Variants in SYK observed in about 807,000 individuals in gnomAD.
SYK encodes spleen associated tyrosine kinase, also known as tyrosine-protein kinase SYK.
In SYK, 16 loss-of-function variants were observed where a neutral mutation model predicts 77.8. The ratio of observed to expected loss-of-function variants is 0.21; its 90% confidence interval spans 0.14 to 0.31. The LOEUF (loss-of-function observed/expected upper bound fraction) is 0.31. Ranked by LOEUF, SYK falls within the 10% of genes least tolerant of loss-of-function variation. SYK has a pLI of 1.00. For missense variants in SYK, 529 were observed against 814.4 expected (o/e 0.65, Z 4.26); for synonymous variants, 312 against 308.7 (o/e 1.01, Z -0.11).
intron 9 of SYK, among the ~76,000 whole-genome samples, chr9:90,876,516 G>A (rs1827940806): frequency 6.6e-6 from 1 of 152,126 alleles, no homozygotes; most frequent in Non-Finnish European, 1.5e-5. Context: ...ATATATGTTT[G>A]TATATCACAG....
In SYK at chr9:90,864,582, C is replaced by T; in HGVS notation, c.718-7C>T. 1.2e-6 allele frequency: 2 copies of T among 1,613,034 alleles called. No individual in the cohort carries two copies. Among genetic ancestry groups the T allele is most frequent in the Non-Finnish European group, 1.7e-6 (2 of 1,179,378 alleles). On this transcript the variant is annotated splice_polypyrimidine_tract_variant and splice_region_variant and intron_variant, in intron 4 of 13. Transcript: ENST00000375754. Reference sequence around the variant, plus strand: ...ATTTACCACTTTCTTACTTTTTTCTCTTTCAGCTAGTCGAGCATTATTCTT... The same window carrying T: ...ATTTACCACTTTCTTACTTTTTTCTTTTTCAGCTAGTCGAGCATTATTCTT...
chr9:90,876,302 A>AG (rs1398260397), intron 9 of SYK, among the ~76,000 whole-genome samples: 57 of 114,900 alleles, frequency 5.0e-4, no homozygotes, highest in African/African-American at 1.6e-3. Context: ...AAAAAAAAAA[A>AG]AAAAGAAAGA....
intron 6 of SYK, among the ~76,000 whole-genome samples, chr9:90,865,637 G>A (rs1056488048): frequency 1.3e-5 from 2 of 152,044 alleles, no homozygotes; most frequent in African/African-American, 2.4e-5. Context: ...TTCTTGTCTA[G>A]ATGAAATTCT....
At chr9:90,841,205 C>T (rs912227579) in intron 1 of SYK, among the ~76,000 whole-genome samples, 4 of 144,750 alleles carry the variant, frequency 2.8e-5, no homozygotes, top group African/African-American at 1.0e-4. Context: ...ATGTGTGTTG[C>T]ATGTAGTGTG....
chr9:90,812,546 A>C (rs1825120002), intron 1 of SYK, among the ~76,000 whole-genome samples: 1 of 152,198 alleles, frequency 6.6e-6, no homozygotes, highest in African/African-American at 2.4e-5. Flanking sequence ...CACCCCACCC[A>C]GTGCAGGAGC....
intron 3 of SYK, among the ~76,000 whole-genome samples, chr9:90,855,778 T>C (rs10993723): frequency 0.16 from 23,897 of 151,718 alleles, 2,686 homozygotes; most frequent in African/African-American, 0.28. Context: ...ATGTCTGCGT[T>C]CCATCCCCTG....
At chr9:90,870,998 T>G (rs1009010801) in intron 7 of SYK, among the ~76,000 whole-genome samples, 1 of 152,244 alleles carries the variant, frequency 6.6e-6, no homozygotes, top group Non-Finnish European at 1.5e-5. Flanking sequence ...TTTTTCCTCT[T>G]TTGTTCACTT....
At chr9:90,859,764 T>TAC (rs1398702420) in intron 3 of SYK, among the ~76,000 whole-genome samples, 20 of 152,342 alleles carry the variant, frequency 1.3e-4, no homozygotes, top group African/African-American at 4.3e-4. Context: ...TAGAATGATC[T>TAC]TTCTAACTTC....
chr9:90,859,833 A>C (rs1225666265), intron 3 of SYK, among the ~76,000 whole-genome samples: 1 of 152,182 alleles, frequency 6.6e-6, no homozygotes, highest in African/African-American at 2.4e-5. Context: ...TGTTTGCCAG[A>C]TGCCTAATGA....
chr9:90,872,837 G>A (rs541820851), intron 7 of SYK, among the ~76,000 whole-genome samples: 18 of 152,314 alleles, frequency 1.2e-4, no homozygotes, highest in South Asian at 6.2e-4. Flanking sequence ...GCACAGTTCC[G>A]AGTGCAGTGA....
At chr9:90,805,428 G>C (rs543772919) in intron 1 of SYK, among the ~76,000 whole-genome samples, 2 of 152,304 alleles carry the variant, frequency 1.3e-5, no homozygotes, top group African/African-American at 2.4e-5. Flanking sequence ...TGAAAACCTT[G>C]CAGGCAAGCT....
At chr9:90,843,172 G>C (rs1161460676) in intron 1 of SYK, among the ~76,000 whole-genome samples, 3 of 152,078 alleles carry the variant, frequency 2.0e-5, no homozygotes, top group African/African-American at 7.2e-5. Flanking sequence ...CCCAGGCCTC[G>C]GGAGCCAGGG....
At chr9:90,857,569 A>T (rs897681306) in intron 3 of SYK, among the ~76,000 whole-genome samples, 5 of 152,252 alleles carry the variant, frequency 3.3e-5, no homozygotes, top group Non-Finnish European at 7.3e-5. Context: ...TGGAATGCAC[A>T]TGTGCCTCAG....
intron 3 of SYK, among the ~76,000 whole-genome samples, chr9:90,849,374 G>T (rs1292383194): frequency 6.6e-6 from 1 of 152,134 alleles, no homozygotes; most frequent in Non-Finnish European, 1.5e-5. Flanking sequence ...CAGGCCTGTG[G>T]GCTGGCCCTT....
chr9:90,849,527 C>T (rs1186924437), intron 3 of SYK, among the ~76,000 whole-genome samples: 3 of 152,216 alleles, frequency 2.0e-5, no homozygotes, highest in Non-Finnish European at 2.9e-5. Flanking sequence ...CCACACCTGT[C>T]TATGTTGGGG....
At chr9:90,819,661 CAT>C (rs774517763) in intron 1 of SYK, among the ~76,000 whole-genome samples, 1 of 152,120 alleles carries the variant, frequency 6.6e-6, no homozygotes, top group Non-Finnish European at 1.5e-5. Context: ...CCTCCCATAA[CAT>C]GTGGGAATTC....
chr9:90,808,736 T>C (rs1824948311), intron 1 of SYK, among the ~76,000 whole-genome samples: 1 of 152,142 alleles, frequency 6.6e-6, no homozygotes, highest in South Asian at 2.1e-4. Flanking sequence ...TCTTCCCTTG[T>C]CCTCCCGCTC....
intron 3 of SYK, among the ~76,000 whole-genome samples, chr9:90,853,906 A>G (rs921336268): frequency 6.6e-6 from 1 of 152,188 alleles, no homozygotes; most frequent in Admixed American, 6.5e-5. Flanking sequence ...AAAGAAAAAA[A>G]AGAGAGCAGG....
At chr9:90,886,805 T>C (rs181143961) in intron 11 of SYK, among the ~76,000 whole-genome samples, 1 of 152,306 alleles carries the variant, frequency 6.6e-6, no homozygotes, top group African/African-American at 2.4e-5. Context: ...AATAAACTTG[T>C]ATCAAAGGGA....
Sources: allele counts gnomAD v4.1 joint callset (sites outside exome capture counted in the v4.1 genomes callset), GRCh38; gene constraint gnomAD v4.1.1; transcripts MANE v1.5; gene names NCBI Gene and HGNC (gene_info 2026-07-23, HGNC 2026-07-21).